RAD18: variants seen among roughly 807,000 people sequenced by gnomAD.
The protein encoded by RAD18 is E3 ubiquitin-protein ligase RAD18.
Under a neutral mutation model 60.4 loss-of-function variants are expected in RAD18, and 47 were observed. That is an observed-to-expected ratio of 0.78 (90% CI 0.62 to 0.99). RAD18 has a LOEUF of 0.99. RAD18 is among the 50% of genes least tolerant of loss of function. The pLI is 0.00. For synonymous variants in RAD18, 225 were observed against 195.5 expected, an observed-to-expected ratio of 1.15 and a Z score of -1.26; for missense variants, 640 against 593.3, an observed-to-expected ratio of 1.08 and a Z score of -0.82.
chr3:8,926,080 G>A (rs1428308650), intron 7 of RAD18, among the ~76,000 whole-genome samples: 26 of 151,910 alleles, frequency 1.7e-4, no homozygotes, highest in African/African-American at 5.5e-4. Context: ...GGCAGGAGAA[G>A]GAAATAAAGG....
chr3:8,883,595 G>C (rs1164654314), intron 12 of RAD18, among the ~76,000 whole-genome samples: 1 of 152,120 alleles, frequency 6.6e-6, no homozygotes, highest in Non-Finnish European at 1.5e-5. Flanking sequence ...TCAACACTCA[G>C]TGGACAACTC....
chr3:8,908,071 T>G (rs1940043208), intron 9 of RAD18, among the ~76,000 whole-genome samples: 1 of 152,126 alleles, frequency 6.6e-6, no homozygotes. Flanking sequence ...AGTTAAAATG[T>G]GGAATTGTTG....
chr3:8,915,007 G>C (rs1049631971), intron 7 of RAD18, among the ~76,000 whole-genome samples: 7 of 151,850 alleles, frequency 4.6e-5, no homozygotes, highest in Non-Finnish European at 4.4e-5. Context: ...AAATTAGCCG[G>C]GTGTGGTGGG....
At chr3:8,939,378 T>G (rs1465098628) in intron 6 of RAD18, among the ~76,000 whole-genome samples, 176 bp downstream of exon 6, 1 of 151,882 alleles carries the variant, frequency 6.6e-6, no homozygotes, top group Non-Finnish European at 1.5e-5. Flanking sequence ...AAAGTGGGAG[T>G]TGAAGAAAGA....
rs562466445 is a variant in RAD18, at chr3:8,907,333, AAAC to A, written c.1028-4816_1028-4814del. 1.1e-4 allele frequency among the ~76,000 whole-genome samples: 16 copies of A among 152,346 alleles called. No homozygotes were observed. In the South Asian group the frequency reaches 1.7e-3, roughly 16 times the overall value. On this transcript the variant is annotated intron_variant, in intron 9 of 12. Transcript: ENST00000264926. Reference sequence around the variant, plus strand: ...ATAAATGAAGTTATTCCATGGCTGGAAACAGACACCCTCTAAGTTTTAATTGAT... The same window carrying A: ...ATAAATGAAGTTATTCCATGGCTGGAAGACACCCTCTAAGTTTTAATTGAT...
chr3:8,920,436 G>C (rs1286147783), intron 7 of RAD18, among the ~76,000 whole-genome samples: 4 of 152,150 alleles, frequency 2.6e-5, no homozygotes, highest in Admixed American at 6.5e-5. Context: ...GAATAGTTTA[G>C]AGAAAAATTA....
chr3:8,946,721 T>C (rs1226766315), intron 4 of RAD18, among the ~76,000 whole-genome samples: 2 of 152,204 alleles, frequency 1.3e-5, no homozygotes, highest in Non-Finnish European at 2.9e-5. Flanking sequence ...AACAGATTAA[T>C]ATATAGCAGA....
chr3:8,882,835 C>G (rs1471722728), intron 12 of RAD18, among the ~76,000 whole-genome samples: 1 of 152,172 alleles, frequency 6.6e-6, no homozygotes, highest in Admixed American at 6.5e-5. Context: ...TCTGAATTAC[C>G]CAGCTCAACT....
chr3:8,907,248 T>C (rs1281070641), intron 9 of RAD18, among the ~76,000 whole-genome samples: 1 of 152,250 alleles, frequency 6.6e-6, no homozygotes, highest in African/African-American at 2.4e-5. Context: ...GTGGCCAGTA[T>C]CTTGAAAATT....
chr3:8,924,622 C>T (rs1392167001), intron 7 of RAD18, among the ~76,000 whole-genome samples: 53 of 133,216 alleles, frequency 4.0e-4, no homozygotes, highest in African/African-American at 1.3e-3. Context: ...CTTCTCAGCA[C>T]CACATCACAC....
chr3:8,896,805 G>A (rs1482381678), intron 11 of RAD18, among the ~76,000 whole-genome samples: 3 of 152,168 alleles, frequency 2.0e-5, no homozygotes, highest in Non-Finnish European at 4.4e-5. Flanking sequence ...GCATGCCACA[G>A]AAATACTATC....
intron 1 of RAD18, among the ~76,000 whole-genome samples, chr3:8,961,232 A>G (rs186672690): frequency 7.2e-5 from 11 of 152,344 alleles, no homozygotes; most frequent in Admixed American, 2.6e-4. Flanking sequence ...TAACATGCAT[A>G]TCACATGCGC....
At chr3:8,902,145 T>C (rs1939922427) in intron 10 of RAD18, among the ~76,000 whole-genome samples, 1 of 152,206 alleles carries the variant, frequency 6.6e-6, no homozygotes, top group Non-Finnish European at 1.5e-5. Context: ...TGATTTATCA[T>C]TAACTGAAAG....
chr3:8,947,448 T>C (rs1940856174), intron 3 of RAD18, among the ~76,000 whole-genome samples, 158 bp from the exon 4 acceptor site: 1 of 152,236 alleles, frequency 6.6e-6, no homozygotes, highest in Non-Finnish European at 1.5e-5. Context: ...CTCATGCTAA[T>C]ATGAAATTTT....
At chr3:8,930,066 C>G (rs1338832545) in intron 7 of RAD18, among the ~76,000 whole-genome samples, 1 of 152,136 alleles carries the variant, frequency 6.6e-6, no homozygotes, top group Non-Finnish European at 1.5e-5. Flanking sequence ...CAATTCTACT[C>G]TTAGGTAAAG....
At chr3:8,960,160 C>A (rs1459217466) in intron 1 of RAD18, among the ~76,000 whole-genome samples, 1 of 151,954 alleles carries the variant, frequency 6.6e-6, no homozygotes, top group South Asian at 2.1e-4. Context: ...TTTAAAAATT[C>A]GTTGGGAGTA....
intron 7 of RAD18, among the ~76,000 whole-genome samples, chr3:8,918,744 A>G (rs564032): frequency 0.55 from 84,149 of 152,140 alleles, 26,687 homozygotes; most frequent in Middle Eastern, 0.72. Flanking sequence ...AACCTTGATA[A>G]TACTTGACCT....
At chr3:8,890,360 A>T (rs1939663140) in intron 12 of RAD18, 29 bp downstream of exon 12, 1 of 1,511,282 alleles carries the variant, frequency 6.6e-7, no homozygotes, top group East Asian at 2.3e-5. Context: ...GTCAAAGTGC[A>T]TGCTTATTTC....
chr3:8,910,960 C>T (rs1940096165), intron 9 of RAD18, among the ~76,000 whole-genome samples: 1 of 152,088 alleles, frequency 6.6e-6, no homozygotes, highest in East Asian at 1.9e-4. Flanking sequence ...TTGGAGGATG[C>T]AAGAGACTGC....
Sources: gnomAD v4.1 joint callset for allele counts (sites outside exome capture counted in the v4.1 genomes callset) on GRCh38, gnomAD v4.1.1 for gene constraint, MANE v1.5 for transcripts, NCBI Gene and HGNC (gene_info 2026-07-23, HGNC 2026-07-21) for gene names.